Variants in KIFBP observed in about 807,000 individuals in gnomAD.
KIFBP encodes the protein KIF-binding protein.
KIFBP carries 46 observed loss-of-function variants against 58.9 expected under a neutral mutation model. That is an observed-to-expected ratio of 0.78 (90% CI 0.62 to 1.00). The LOEUF (loss-of-function observed/expected upper bound fraction) is 1.00. Among genes scored for constraint, KIFBP ranks in the 50% least tolerant of loss-of-function variants. The pLI, the probability that KIFBP is intolerant of heterozygous loss-of-function variation, is 0.00. For missense variants in KIFBP, 651 were observed against 752.9 expected (o/e 0.86, Z 1.58); for synonymous variants, 241 against 283.4 (o/e 0.85, Z 1.50).
At position 69,000,101 on chromosome 10, in the gene KIFBP, G is replaced by C. The variant is rs1280825473; in HGVS notation, c.427-323G>C. On this transcript the variant is annotated intron_variant, in intron 1 of 6. Coordinates refer to ENST00000361983, the MANE Select transcript of KIFBP (RefSeq NM_015634.4). ...GATAGCATCCAAAATGGAAATCAAG[G>C]GTTTTGTTAACTAATCTTGGAAATG... is the stretch of plus-strand genomic sequence containing the variant. Among the ~76,000 whole-genome samples the C allele has an allele frequency of 3.3e-5, 5 of 151,612 alleles. No individual in the cohort carries two copies. The East Asian group carries it at 9.7e-4, about 29-fold the overall frequency.
rs1386039350 is a variant in KIFBP at position 69,016,781 on chromosome 10, A to G, written c.*365A>G. ...TACCTGGTAACAAGCCTGTTAATATATTAAGATTGAAAAAGTAACTTCTAT... is the reference window on the plus strand; with the variant it reads ...TACCTGGTAACAAGCCTGTTAATATGTTAAGATTGAAAAAGTAACTTCTAT... On this transcript the variant is annotated 3_prime_UTR_variant, in exon 7 of 7. Transcript: ENST00000361983. 1 of 180,820 alleles carries G rather than the reference A, an allele frequency of 5.5e-6. No individual in the cohort carries two copies. Among genetic ancestry groups the G allele is most frequent in the African/African-American group, 2.4e-5 (1 of 42,290 alleles). The allele number at this position is 180,820 out of a possible 1,614,324, so 11.2% of individuals were successfully genotyped here.
chr10:69,011,683 CTTTTTTTTT>C (rs34786287), intron 6 of KIFBP, among the ~76,000 whole-genome samples: 30 of 42,536 alleles, frequency 7.1e-4, no homozygotes, highest in African/African-American at 2.9e-3. Context: ...TGTGCCTAAT[CTTTTTTTTT>C]TTTTTTTTTT....
Position 69,015,766 on chromosome 10 carries a change from G to T in KIFBP, c.1216G>T (p.Ala406Ser). Reference sequence around the variant, plus strand: ...ATTGGGTCAGCACTATGTCTTTGAGGCAAAAGAGTTCTTTCAGATTGATGG... The same window carrying T: ...ATTGGGTCAGCACTATGTCTTTGAGTCAAAAGAGTTCTTTCAGATTGATGG... ...FLLGQHYVFE[A>S]KEFFQIDGYV... The change falls in exon 7 of 7, where the codon GCA (alanine) becomes TCA (serine). Residue 406 changes from alanine (A) to serine (S), a missense_variant. By Grantham distance (99) the Ala-to-Ser change is moderately conservative. Transcript: ENST00000361983. The T allele has an allele frequency of 6.2e-7, 1 of 1,614,162 alleles. No individual in the cohort carries two copies. Among genetic ancestry groups the T allele is most frequent in the Non-Finnish European group, 8.5e-7 (1 of 1,180,024 alleles).
rs1229367832 is a variant in KIFBP, at chr10:69,015,523, TA to T, written c.991-17del. On this transcript the variant is annotated splice_polypyrimidine_tract_variant and intron_variant, in intron 6 of 6. Coordinates refer to ENST00000361983, the MANE Select transcript of KIFBP (RefSeq NM_015634.4). ...GTGAGTGTCCTACTTAACCATAATT[TA>T]TTTTTTTTTCCTTCAGGACAACATA... 6.2e-7 allele frequency: 1 copy of T among 1,610,430 alleles called. No individual in the cohort carries two copies. The highest frequency in any genetic ancestry group is 2.2e-5 in the East Asian group (1 of 44,870).
chr10:68,992,499 T>A (rs1196910944), intron 1 of KIFBP, among the ~76,000 whole-genome samples: 2 of 152,152 alleles, frequency 1.3e-5, no homozygotes, highest in Admixed American at 1.3e-4. Context: ...AGAAGAACAA[T>A]CTAATGTAAC....
chr10:68,988,846 C>T lies in KIFBP; in HGVS notation c.14C>T (p.Pro5Leu), dbSNP rs756816553. The change falls in exon 1 of 7, where the codon CCG becomes CTG. Residue 5 changes from proline to leucine, a missense_variant. Transcript: ENST00000361983. The part of the protein sequence containing the change: MANV[P>L]WAEVCEKFQA... The stretch of plus-strand genomic sequence containing the variant: ...GTAGAGGCCGCTATGGCGAACGTTC[C>T]GTGGGCAGAGGTCTGCGAGAAATTC... The T allele has an allele frequency of 3.2e-5, 52 of 1,614,254 alleles. No individual in the cohort carries two copies. The highest frequency in any genetic ancestry group is 4.2e-5 in the Non-Finnish European group (50 of 1,180,054).
rs747405986 is a variant in KIFBP at position 68,988,871 on chromosome 10, C to T, written c.39C>T (p.Phe13=). ...NVPWAEVCEK[F]QAALALSRVE... ...CGTGGGCAGAGGTCTGCGAGAAATTCCAGGCGGCGCTCGCTCTGTCGCGGG... is the reference window on the plus strand; with the variant it reads ...CGTGGGCAGAGGTCTGCGAGAAATTTCAGGCGGCGCTCGCTCTGTCGCGGG... The change falls in exon 1 of 7, where the codon TTC becomes TTT. Residue 13 remains phenylalanine (F), a synonymous_variant. Coordinates refer to ENST00000361983, the MANE Select transcript of KIFBP (RefSeq NM_015634.4). 1.2e-6 allele frequency: 2 copies of T among 1,614,260 alleles called. No individual in the cohort carries two copies. The highest frequency in any genetic ancestry group is 2.2e-5 in the East Asian group (1 of 44,886).
intron 2 of KIFBP, among the ~76,000 whole-genome samples, chr10:69,004,190 A>G (rs1203580847): frequency 6.9e-6 from 1 of 145,942 alleles, no homozygotes; most frequent in East Asian, 2.0e-4. Flanking sequence ...ACTGCACTCC[A>G]GCCTGGCAAA....
chr10:69,015,844 G>A lies in KIFBP; in HGVS notation c.1294G>A (p.Val432Met). Residue 432 changes from valine (V) to methionine (M), a missense_variant, in exon 7 of 7, where the codon GTG becomes ATG. Transcript: ENST00000361983. ...CCAAGACCACAGTGCTCTGTTTAAG[G>A]TGCTTGCATTCTTTGAAACTGACAT... ...VVQDHSALFK[V>M]LAFFETDMER... 2.5e-6 allele frequency: 4 copies of A among 1,614,142 alleles called. No individual in the cohort carries two copies. In the South Asian group the frequency reaches 4.4e-5, roughly 18 times the overall value.
At chr10:69,002,796 G>A (rs946904515) in intron 2 of KIFBP, among the ~76,000 whole-genome samples, 3 of 152,130 alleles carry the variant, frequency 2.0e-5, no homozygotes, top group African/African-American at 7.2e-5. Flanking sequence ...GCTGAGGTGG[G>A]AGGATGGCTT....
intron 4 of KIFBP, among the ~76,000 whole-genome samples, chr10:69,008,391 A>AAAAAAATATATATATAT: frequency 1.5e-4 from 11 of 71,612 alleles, no homozygotes; most frequent in African/African-American, 7.8e-4. Flanking sequence ...AAAAAAAAAA[A>AAAAAAATATATATATAT]ATATATATAT....
chr10:69,016,464 T>C lies in KIFBP; in HGVS notation c.*48T>C. ...ATGTGCAATATTGAAGTGATCTTTT[T>C]CCCTAGTCAGACAGGCCCAATTCCA... On this transcript the variant is annotated 3_prime_UTR_variant, in exon 7 of 7. Coordinates refer to ENST00000361983, the MANE Select transcript of KIFBP (RefSeq NM_015634.4). 6.3e-7 allele frequency: 1 copy of C among 1,598,818 alleles called. No individual in the cohort carries two copies. The highest frequency in any genetic ancestry group is 8.6e-7 in the Non-Finnish European group (1 of 1,168,416).
Position 69,016,553 on chromosome 10 carries a change from G to A in KIFBP, c.*137G>A. The stretch of plus-strand genomic sequence containing the variant: ...GAACTTGAGATACAGTCAACTGAGT[G>A]TTTGCTAGGATCCTAAGGAACATAA... On this transcript the variant is annotated 3_prime_UTR_variant, in exon 7 of 7. Transcript: ENST00000361983. 2 of 806,074 alleles carry A rather than the reference G, an allele frequency of 2.5e-6. No homozygotes were observed. The highest frequency in any genetic ancestry group is 1.6e-5 in the South Asian group (1 of 63,202). 49.9% of individuals were successfully genotyped at this position (806,074 alleles called of 1,614,324 possible). A position where few individuals can be genotyped will look rare whatever the true frequency, so the allele number is the denominator to read the frequency against.
At position 69,013,838 on chromosome 10, in the gene KIFBP, C is replaced by T. The variant is rs573848916; in HGVS notation, c.991-1703C>T. On this transcript the variant is annotated intron_variant, in intron 6 of 6. Transcript: ENST00000361983. Reference sequence around the variant, plus strand: ...GATCTCCACTCACTGCATCCTCCACCTCCCTGGCTCAAGCAGTCCTCCTAC... The same window carrying T: ...GATCTCCACTCACTGCATCCTCCACTTCCCTGGCTCAAGCAGTCCTCCTAC... 2.6e-5 allele frequency among the ~76,000 whole-genome samples: 4 copies of T among 152,294 alleles called. No individual in the cohort carries two copies. The East Asian group carries it at 5.8e-4, about 22-fold the overall frequency.
At chr10:69,008,757 C>G (rs1843562720) in intron 4 of KIFBP, 84 bp from the exon 5 acceptor site, 1 of 1,055,754 alleles carries the variant, frequency 9.5e-7, no homozygotes, top group Non-Finnish European at 1.5e-6. Flanking sequence ...ATACCTTTTC[C>G]CATATTAAAA....
chr10:69,016,513 A>C lies in KIFBP; in HGVS notation c.*97A>C. The C allele has an allele frequency of 8.1e-7, 1 of 1,237,084 alleles. No individual in the cohort carries two copies. The allele number at this position is 1,237,084 out of a possible 1,614,324, so 76.6% of individuals were successfully genotyped here. A position where few individuals can be genotyped will look rare whatever the true frequency, so the allele number is the denominator to read the frequency against. On this transcript the variant is annotated 3_prime_UTR_variant, in exon 7 of 7. Transcript: ENST00000361983. ...CATTGTGATGTTTACCTTTATAGCC[A>C]GGTGAGTGCAGTTTGAACTTGAGAT...
At chr10:68,991,627 C>T (rs1295798795) in intron 1 of KIFBP, 2 of 296,924 alleles carry the variant, frequency 6.7e-6, no homozygotes, top group East Asian at 2.0e-4. Flanking sequence ...CTTGGTCTAC[C>T]TTGAGCAGGC....
At chr10:68,990,439 C>T (rs1276914603) in intron 1 of KIFBP, among the ~76,000 whole-genome samples, 1 of 152,016 alleles carries the variant, frequency 6.6e-6, no homozygotes, top group Non-Finnish European at 1.5e-5. Flanking sequence ...GTCTTAGCTA[C>T]TGGGGAGGCT....
intron 2 of KIFBP, among the ~76,000 whole-genome samples, chr10:69,001,990 G>A (rs1843471625): frequency 1.3e-5 from 2 of 152,010 alleles, no homozygotes; most frequent in Admixed American, 6.5e-5. Context: ...CGCAACACAG[G>A]AAGACCTCAT....
Sources: allele counts gnomAD v4.1 joint callset (sites outside exome capture counted in the v4.1 genomes callset), GRCh38; gene constraint gnomAD v4.1.1; transcripts MANE v1.5; gene names NCBI Gene and HGNC (gene_info 2026-07-23, HGNC 2026-07-21).